LPAR1: variants seen among roughly 807,000 people sequenced by gnomAD.
The protein encoded by LPAR1 is lysophosphatidic acid receptor 1, also known as LPA receptor 1.
A neutral mutation model predicts 23.8 loss-of-function variants in LPAR1; 5 were observed. The observed-to-expected ratio is 0.21, with a 90% CI of 0.11 to 0.44. The LOEUF is 0.44. Ranked by LOEUF, LPAR1 falls within the 20% of genes least tolerant of loss-of-function variation. The pLI is 0.99. For missense variants in LPAR1, 311 were observed against 482.8 expected, an observed-to-expected ratio of 0.64 and a Z score of 3.33; for synonymous variants, 160 against 164.7, an observed-to-expected ratio of 0.97 and a Z score of 0.22.
chr9:111,032,505 G>A (rs779977233), intron 2 of LPAR1, among the ~76,000 whole-genome samples: 1 of 152,156 alleles, frequency 6.6e-6, no homozygotes, highest in Non-Finnish European at 1.5e-5. Context: ...ACAAAGCCTG[G>A]TATATAGCAG....
In LPAR1 at chr9:110,971,997, A is replaced by G. The variant is rs975189114; in HGVS notation, c.45+76T>C. On this transcript the variant is annotated intron_variant, in intron 4 of 5. Transcript: ENST00000683809. ...ATATACATGATCCCTAGAGTCAAAT[A>G]CACTTCCTGAAACCCAGTTTAAATA... is the stretch of plus-strand genomic sequence containing the variant. 5.6e-6 allele frequency: 7 copies of G among 1,246,984 alleles called. No individual in the cohort carries two copies. In the African/African-American group the frequency reaches 8.9e-5, roughly 16 times the overall value. The allele number at this position is 1,246,984 out of a possible 1,614,324, so 77.2% of individuals were successfully genotyped here. A position where few individuals can be genotyped will look rare whatever the true frequency, so the allele number is the denominator to read the frequency against.
intron 2 of LPAR1, among the ~76,000 whole-genome samples, chr9:111,022,009 C>A (rs370869000): frequency 1.5e-3 from 215 of 139,292 alleles, no homozygotes; most frequent in African/African-American, 5.4e-3. Flanking sequence ...GAATTCTAAT[C>A]TTTACCCATT....
chr9:110,966,296 T>C (rs899698724), intron 4 of LPAR1, among the ~76,000 whole-genome samples: 11 of 151,936 alleles, frequency 7.2e-5, no homozygotes, highest in African/African-American at 2.2e-4. Flanking sequence ...CTGGCCAACA[T>C]AGTGAAACCC....
chr9:110,888,790 C>T (rs1381750034), intron 5 of LPAR1, among the ~76,000 whole-genome samples: 1 of 152,068 alleles, frequency 6.6e-6, no homozygotes, highest in African/African-American at 2.4e-5. Context: ...ATCATAGACA[C>T]ATTTTGACCA....
chr9:110,978,211 G>C lies in LPAR1; in HGVS notation c.-181-4653C>G, dbSNP rs145211303. ...TAGAAAGAAATATGAGACCAGAAAA[G>C]AGTCTGCGCTAACCAGAAAAGAAAA... On this transcript the variant is annotated intron_variant, in intron 2 of 5. Coordinates refer to ENST00000683809, the MANE Select transcript of LPAR1 (RefSeq NM_001351411.2). Among the ~76,000 whole-genome samples the C allele has an allele frequency of 4.5e-4, 68 of 152,242 alleles. 1 individual carries two copies. In the East Asian group the frequency reaches 0.011, roughly 25 times the overall value.
chr9:110,985,465 G>A (rs908594245), intron 2 of LPAR1, among the ~76,000 whole-genome samples: 2 of 152,154 alleles, frequency 1.3e-5, no homozygotes, highest in Middle Eastern at 3.4e-3. Flanking sequence ...TTCCAAGGAA[G>A]AAATACAACT....
chr9:111,003,917 G>A (rs921671592), intron 2 of LPAR1, among the ~76,000 whole-genome samples: 5 of 152,134 alleles, frequency 3.3e-5, no homozygotes, highest in African/African-American at 1.2e-4. Context: ...GAATTTATTT[G>A]CATATGTCTT....
At chr9:110,934,821 AACACACACAC>A (rs34585506) in intron 5 of LPAR1, among the ~76,000 whole-genome samples, 2 of 149,036 alleles carry the variant, frequency 1.3e-5, no homozygotes, top group Non-Finnish European at 3.0e-5. Context: ...CACACACACA[AACACACACAC>A]ACACACACAC....
At chr9:110,957,719 C>G (rs2095811296) in intron 4 of LPAR1, among the ~76,000 whole-genome samples, 1 of 152,098 alleles carries the variant, frequency 6.6e-6, no homozygotes, top group South Asian at 2.1e-4. Context: ...CAACATAATA[C>G]TAGAAGTTCC....
intron 5 of LPAR1, among the ~76,000 whole-genome samples, chr9:110,927,235 C>CT (rs11439216): frequency 0.46 from 69,220 of 149,214 alleles, 16,582 homozygotes; most frequent in East Asian, 0.8. Context: ...GCATTCCACA[C>CT]TTTTTTTTTT....
At position 110,937,336 on chromosome 9, in the gene LPAR1, G is replaced by A. The variant is rs1219400328; in HGVS notation, c.793+4085C>T. 2.6e-5 allele frequency among the ~76,000 whole-genome samples: 4 copies of A among 152,146 alleles called. No homozygotes were observed. In the East Asian group the frequency reaches 7.7e-4, roughly 29 times the overall value. On this transcript the variant is annotated intron_variant, in intron 5 of 5. Coordinates refer to ENST00000683809, the MANE Select transcript of LPAR1 (RefSeq NM_001351411.2). ...TACAGCATGTGCTGCTAGTTGTTTT[G>A]ATTAAAGGGAAGTAGAATAACATGG...
intron 2 of LPAR1, among the ~76,000 whole-genome samples, chr9:110,983,828 A>T (rs2139167175): frequency 6.6e-6 from 1 of 152,188 alleles, no homozygotes; most frequent in African/African-American, 2.4e-5. Flanking sequence ...GGACACAGCC[A>T]TTAACCTCAC....
At chr9:110,954,585 T>A (rs1588514422) in intron 4 of LPAR1, among the ~76,000 whole-genome samples, 2 of 151,976 alleles carry the variant, frequency 1.3e-5, no homozygotes, top group East Asian at 1.9e-4. Context: ...ACAAAAAGCA[T>A]CAAGTCACTT....
chr9:110,975,060 A>G (rs2096526683), intron 2 of LPAR1, among the ~76,000 whole-genome samples: 1 of 152,206 alleles, frequency 6.6e-6, no homozygotes, highest in African/African-American at 2.4e-5. Context: ...ATAAATGAAT[A>G]TATCAATAAT....
At chr9:110,914,309 A>G (rs1364728487) in intron 5 of LPAR1, among the ~76,000 whole-genome samples, 3 of 152,204 alleles carry the variant, frequency 2.0e-5, no homozygotes, top group Non-Finnish European at 4.4e-5. Context: ...ACAGTTCCAC[A>G]TGGCTGGGGA....
intron 4 of LPAR1, among the ~76,000 whole-genome samples, chr9:110,956,014 G>A (rs1477448868): frequency 1.3e-5 from 2 of 151,508 alleles, no homozygotes; most frequent in Non-Finnish European, 2.9e-5. Flanking sequence ...ACAAAATCAA[G>A]CCCCAAATAA....
intron 4 of LPAR1, among the ~76,000 whole-genome samples, chr9:110,948,468 T>C (rs376859500): frequency 3.3e-5 from 5 of 152,324 alleles, no homozygotes; most frequent in East Asian, 3.9e-4. Flanking sequence ...AATAATAATG[T>C]ATATCAATGT....
intron 2 of LPAR1, among the ~76,000 whole-genome samples, chr9:111,011,062 T>C (rs1163196587): frequency 6.6e-6 from 1 of 152,188 alleles, no homozygotes; most frequent in African/African-American, 2.4e-5. Flanking sequence ...TAAGAGCTTC[T>C]ACACCTGCAA....
At chr9:111,035,525 G>A (rs987571562) in intron 2 of LPAR1, among the ~76,000 whole-genome samples, 4 of 152,032 alleles carry the variant, frequency 2.6e-5, no homozygotes, top group East Asian at 1.9e-4. Flanking sequence ...CACCTGGCCC[G>A]GGATATTTAA....
Sources: allele counts gnomAD v4.1 joint callset (sites outside exome capture counted in the v4.1 genomes callset), GRCh38; gene constraint gnomAD v4.1.1; transcripts MANE v1.5; gene names NCBI Gene and HGNC (gene_info 2026-07-23, HGNC 2026-07-21).